SH3RF1: variants seen among roughly 807,000 people sequenced by gnomAD.
The protein encoded by SH3RF1 is SH3 domain containing ring finger 1, also known as E3 ubiquitin-protein ligase SH3RF1.
Under a neutral mutation model 74.0 loss-of-function variants are expected in SH3RF1, and 32 were observed. The observed-to-expected ratio is 0.43, with a 90% CI of 0.33 to 0.58. The LOEUF (loss-of-function observed/expected upper bound fraction) is 0.58. SH3RF1 is among the 20% of genes least tolerant of loss of function. SH3RF1 has a pLI of 0.05. For missense variants in SH3RF1, 954 were observed against 1,130.9 expected, an observed-to-expected ratio of 0.84 and a Z score of 2.24; for synonymous variants, 396 against 439.6, an observed-to-expected ratio of 0.90 and a Z score of 1.24.
intron 2 of SH3RF1, among the ~76,000 whole-genome samples, chr4:169,238,964 GCC>G (rs33954575): frequency 2.0e-5 from 3 of 146,876 alleles, no homozygotes; most frequent in East Asian, 2.0e-4. Flanking sequence ...GCTAATTTCC[GCC>G]CCCCCCCACC....
intron 2 of SH3RF1, chr4:169,201,713 G>A (rs1404237707): frequency 1.3e-5 from 2 of 152,164 alleles, no homozygotes; most frequent in African/African-American, 4.8e-5. Context: ...TGAAGTCACA[G>A]AGAAAACACT....
In SH3RF1 at chr4:169,107,003, AC is replaced by A; in HGVS notation, c.2341del (p.Val781SerfsTer43). 2 of 1,613,876 alleles carry A rather than the reference AC, an allele frequency of 1.2e-6. No homozygotes were observed. The highest frequency in any genetic ancestry group is 1.7e-6 in the Non-Finnish European group (2 of 1,179,972). On this transcript the variant is annotated frameshift_variant, in exon 11 of 12. Coordinates refer to ENST00000284637, the MANE Select transcript of SH3RF1 (RefSeq NM_020870.4). LOFTEE classifies it high-confidence loss of function. ...GGCTGCTCCTGCCACTGCAGTCGTG[AC>A]CGGTCCGTCCCCGTCCACAGGGCAG... ...GSCPVDGDGP[V>X]TTAVAGAALA...
At chr4:169,113,539 A>G (rs776517356) in intron 10 of SH3RF1, among the ~76,000 whole-genome samples, 15 of 152,230 alleles carry the variant, frequency 9.9e-5, no homozygotes, top group African/African-American at 1.9e-4. Flanking sequence ...CTCGCTAACA[A>G]TAAGTCACAG....
At chr4:169,136,155 AT>A (rs1300462173) in intron 5 of SH3RF1, among the ~76,000 whole-genome samples, 162 bp downstream of exon 5, 9 of 152,122 alleles carry the variant, frequency 5.9e-5, no homozygotes, top group Admixed American at 3.9e-4. Context: ...TCCCTTCTCC[AT>A]TTTTCCACTT....
intron 4 of SH3RF1, among the ~76,000 whole-genome samples, chr4:169,151,942 G>A (rs1381376513): frequency 2.0e-5 from 3 of 152,154 alleles, no homozygotes; most frequent in Non-Finnish European, 2.9e-5. Flanking sequence ...TAAGAATCAT[G>A]TCATCCAAAC....
intron 3 of SH3RF1, among the ~76,000 whole-genome samples, chr4:169,155,852 A>T (rs190071547): frequency 2.0e-5 from 3 of 149,474 alleles, no homozygotes; most frequent in Admixed American, 1.3e-4. Context: ...ACCTCAAATG[A>T]TACCTACCCT....
At chr4:169,181,520 C>CA (rs1399470448) in intron 2 of SH3RF1, among the ~76,000 whole-genome samples, 5 of 151,972 alleles carry the variant, frequency 3.3e-5, no homozygotes, top group African/African-American at 1.2e-4. Flanking sequence ...CTCAGCCTCC[C>CA]AAAGTGCTAG....
Position 169,136,456 on chromosome 4 carries a change from C to T in SH3RF1, c.930G>A (p.Met310Ile), listed in dbSNP as rs773441291. Residue 310 changes from methionine (M) to isoleucine (I), a missense_variant, in exon 5 of 12, where the codon ATG becomes ATA. Around this residue, in one of 3 missense-constraint regions of SH3RF1, gnomAD observed 854 missense variants for 962.5 expected, o/e 0.89. Transcript: ENST00000284637. ...KKRHSFTSLT[M>I]ANKSSQASQN... Reference sequence around the variant, plus strand: ...GGGATGCCTGGGAGGACTTGTTGGCCATAGTGAGGGAAGTGAAGGAGTGCC... The same window carrying T: ...GGGATGCCTGGGAGGACTTGTTGGCTATAGTGAGGGAAGTGAAGGAGTGCC... 9 of 1,612,826 alleles carry T rather than the reference C, an allele frequency of 5.6e-6. No homozygotes were observed. Among genetic ancestry groups the T allele is most frequent in the Middle Eastern group, 3.3e-4 (2 of 6,058 alleles).
chr4:169,196,272 CTTGG>C (rs2126987407), intron 2 of SH3RF1, among the ~76,000 whole-genome samples: 1 of 152,254 alleles, frequency 6.6e-6, no homozygotes, highest in South Asian at 2.1e-4. Flanking sequence ...TCAACAGGTT[CTTGG>C]AAACTGTGGC....
intron 2 of SH3RF1, among the ~76,000 whole-genome samples, chr4:169,205,365 T>A (rs192040124): frequency 6.6e-6 from 1 of 152,232 alleles, no homozygotes. Context: ...CAGATTTCTA[T>A]CATAAAAACT....
At chr4:169,111,727 T>C (rs1032128015) in intron 10 of SH3RF1, among the ~76,000 whole-genome samples, 7 of 152,224 alleles carry the variant, frequency 4.6e-5, no homozygotes, top group African/African-American at 1.7e-4. Context: ...GTTGTTATAC[T>C]GATGACGGTG....
chr4:169,254,657 CG>C (rs957744573), intron 2 of SH3RF1, among the ~76,000 whole-genome samples: 1 of 151,978 alleles, frequency 6.6e-6, no homozygotes, highest in African/African-American at 2.4e-5. Context: ...GAACCAGCAA[CG>C]TAGTGAGTTA....
intron 2 of SH3RF1, among the ~76,000 whole-genome samples, chr4:169,265,091 T>C (rs1731331773): frequency 6.6e-6 from 1 of 152,204 alleles, no homozygotes; most frequent in African/African-American, 2.4e-5. Flanking sequence ...GTCTTAGAAC[T>C]TACTTAATTA....
At chr4:169,116,210 T>A (rs1733328443) in intron 10 of SH3RF1, 59 bp downstream of exon 10, 1 of 1,537,518 alleles carries the variant, frequency 6.5e-7, no homozygotes, top group African/African-American at 1.4e-5. Context: ...AGACACAACA[T>A]AAGAAGAAAA....
chr4:169,142,093 C>T (rs1410006810), intron 4 of SH3RF1, among the ~76,000 whole-genome samples: 4 of 152,102 alleles, frequency 2.6e-5, no homozygotes, highest in African/African-American at 9.7e-5. Flanking sequence ...GCTGGGATTA[C>T]AGGTGTGAGC....
chr4:169,177,237 A>G (rs1333541926), intron 2 of SH3RF1, among the ~76,000 whole-genome samples: 3 of 152,240 alleles, frequency 2.0e-5, no homozygotes, highest in Non-Finnish European at 2.9e-5. Flanking sequence ...CCTGGTAAAC[A>G]GAAGAATACC....
chr4:169,107,716 A>G (rs1210399028), intron 10 of SH3RF1, among the ~76,000 whole-genome samples: 1 of 152,260 alleles, frequency 6.6e-6, no homozygotes, highest in Non-Finnish European at 1.5e-5. Flanking sequence ...ACAGCACTCT[A>G]TTCCACAGGC....
chr4:169,164,487 C>T lies in SH3RF1; in HGVS notation c.394-7808G>A, dbSNP rs572730042. Among the ~76,000 whole-genome samples the T allele has an allele frequency of 3.9e-5, 6 of 152,328 alleles. No homozygotes were observed. The East Asian group carries it at 1.2e-3, about 29-fold the overall frequency. On this transcript the variant is annotated intron_variant, in intron 2 of 11. Coordinates refer to ENST00000284637, the MANE Select transcript of SH3RF1 (RefSeq NM_020870.4). ...AGACTGCTAATCCATCTTTTTGAAA[C>T]TGTCCTCCCAAGTACACAGCAGGTG...
chr4:169,153,333 A>T (rs898566939), intron 4 of SH3RF1, among the ~76,000 whole-genome samples: 2 of 152,176 alleles, frequency 1.3e-5, no homozygotes, highest in Non-Finnish European at 2.9e-5. Flanking sequence ...CAAAAAAAGC[A>T]AAATACCTAA....
Sources: allele counts gnomAD v4.1 joint callset (sites outside exome capture counted in the v4.1 genomes callset), GRCh38; gene constraint gnomAD v4.1.1; regional missense constraint gnomAD v4.1.1; transcripts MANE v1.5; gene names NCBI Gene and HGNC (gene_info 2026-07-23, HGNC 2026-07-21).